Variants in CIT observed in about 807,000 individuals in gnomAD.
The protein encoded by CIT is citron Rho-interacting kinase.
A neutral mutation model predicts 272.7 loss-of-function variants in CIT; 79 were observed. The ratio of observed to expected loss-of-function variants is 0.29; its 90% confidence interval spans 0.24 to 0.35. CIT has a LOEUF of 0.35. Among genes scored for constraint, CIT ranks in the 10% least tolerant of loss-of-function variants. The pLI, the probability that CIT is intolerant of heterozygous loss-of-function variation, is 1.00. For synonymous variants in CIT, 948 were observed against 995.6 expected (o/e 0.95, Z 0.90); for missense variants, 1,909 against 2,618.3 (o/e 0.73, Z 5.91).
chr12:119,775,759 G>T, intron 16 of CIT, 27 bp downstream of exon 16: 1 of 1,596,498 alleles, frequency 6.3e-7, no homozygotes, highest in East Asian at 2.2e-5. Flanking sequence ...TGGGGGGTAA[G>T]TTCCTGAAAA....
intron 24 of CIT, among the ~76,000 whole-genome samples, chr12:119,741,431 T>C (rs1593549098): frequency 6.6e-6 from 1 of 152,246 alleles, no homozygotes; most frequent in Non-Finnish European, 1.5e-5. Flanking sequence ...CCCAGTTGTC[T>C]ATCTGTGTAA....
chr12:119,742,036 C>T (rs1475371967), intron 24 of CIT, among the ~76,000 whole-genome samples: 3 of 152,148 alleles, frequency 2.0e-5, no homozygotes, highest in Non-Finnish European at 4.4e-5. Flanking sequence ...TACAACTGCC[C>T]TGGTGACAGG....
intron 28 of CIT, among the ~76,000 whole-genome samples, chr12:119,723,367 C>A (rs757454860): frequency 2.7e-4 from 40 of 146,232 alleles, no homozygotes; most frequent in Admixed American, 8.3e-4. Context: ...ATTAGCTTTC[C>A]AAGAAATAGG....
In CIT at chr12:119,714,263, G is replaced by A; in HGVS notation, c.4240C>T (p.Arg1414Ter). The change falls in exon 33 of 48, where the codon CGA becomes TGA. Residue 1414 changes from arginine (R) to a stop codon, truncating the protein, a stop_gained. Coordinates refer to ENST00000392521, the MANE Select transcript of CIT (RefSeq NM_001206999.2). LOFTEE classifies it high-confidence loss of function. ...AGACACACAGCACACTTTGTGGCTC[G>A]CATGTTCAGTCCTACGTTGAATCGG... ...PHRFNVGLNM[R>*]ATKCAVCLDT... The A allele has an allele frequency of 1.9e-6, 3 of 1,611,044 alleles. No homozygotes were observed. Among genetic ancestry groups the A allele is most frequent in the Non-Finnish European group, 1.7e-6 (2 of 1,179,188 alleles).
At chr12:119,790,655 C>T (rs1258242496) in intron 10 of CIT, among the ~76,000 whole-genome samples, 1 of 152,088 alleles carries the variant, frequency 6.6e-6, no homozygotes, top group African/African-American at 2.4e-5. Flanking sequence ...TGAGAGATAC[C>T]TGCAGACCAG....
chr12:119,783,808 T>G (rs569758019), intron 12 of CIT, 100 bp downstream of exon 12: 1 of 1,399,764 alleles, frequency 7.1e-7, no homozygotes, highest in Non-Finnish European at 9.7e-7. Flanking sequence ...CTCTCTGCCA[T>G]TGGCTGTGAT....
chr12:119,850,383 A>AC, intron 4 of CIT, 108 bp from the exon 5 acceptor site: 1 of 623,562 alleles, frequency 1.6e-6, no homozygotes, highest in East Asian at 3.0e-5. Flanking sequence ...TTTAAAAAAA[A>AC]AAAAAGGCAA....
intron 3 of CIT, among the ~76,000 whole-genome samples, chr12:119,867,619 T>C (rs61945773): frequency 0.36 from 55,422 of 152,036 alleles, 12,413 homozygotes; most frequent in Middle Eastern, 0.51. Context: ...TGGGGGCTGC[T>C]TTGTGCACTG....
chr12:119,746,546 C>G (rs2137363385), intron 23 of CIT, among the ~76,000 whole-genome samples: 1 of 152,348 alleles, frequency 6.6e-6, no homozygotes, highest in Non-Finnish European at 1.5e-5. Flanking sequence ...GGCTTATCCA[C>G]AGGGACAGAA....
intron 10 of CIT, among the ~76,000 whole-genome samples, chr12:119,792,248 C>G (rs944825793): frequency 2.0e-5 from 3 of 152,080 alleles, no homozygotes; most frequent in Non-Finnish European, 4.4e-5. Context: ...ATCACAAATC[C>G]CAGATATTCT....
intron 26 of CIT, among the ~76,000 whole-genome samples, chr12:119,730,927 A>G (rs1958401712): frequency 6.6e-6 from 1 of 152,176 alleles, no homozygotes; most frequent in South Asian, 2.1e-4. Flanking sequence ...CAGGAGTTCA[A>G]GACCAGCCTG....
In CIT at chr12:119,710,945, A is replaced by C. The variant is rs1957130556; in HGVS notation, c.4855-325T>G. The C allele has an allele frequency of 2.1e-6, 2 of 940,464 alleles. No homozygotes were observed. The highest frequency in any genetic ancestry group is 2.0e-5 in the Admixed American group (1 of 49,068). 58.3% of individuals were successfully genotyped at this position (940,464 alleles called of 1,614,324 possible). A position where few individuals can be genotyped will look rare whatever the true frequency, so the allele number is the denominator to read the frequency against. On this transcript the variant is annotated intron_variant, in intron 37 of 47. Coordinates refer to ENST00000392521, the MANE Select transcript of CIT (RefSeq NM_001206999.2). The surrounding 1 kb of genome is among the most constrained non-coding windows in gnomAD (Gnocchi z 5.6). ...GAAGCTAAGGAGATTTCACCTGCGC[A>C]GGGTTAATAAGACACATGAAAGACT...
chr12:119,772,813 T>A lies in CIT; in HGVS notation c.2039A>T (p.Glu680Val). 6.2e-7 allele frequency: 1 copy of A among 1,614,032 alleles called. No individual in the cohort carries two copies. The highest frequency in any genetic ancestry group is 8.5e-7 in the Non-Finnish European group (1 of 1,179,990). The change falls in exon 17 of 48, where the codon GAG becomes GTG. Residue 680 changes from glutamate (E) to valine (V), a missense_variant. Glu to Val is a moderately radical substitution (Grantham distance 121). Around this residue, in one of 8 missense-constraint regions of CIT, gnomAD observed 530 missense variants for 822.4 expected, o/e 0.64. Transcript: ENST00000392521. ...ERELEKLQNR[E>V]DSSEGIRKKL... ...CTTTCTGATGCCTTCAGAAGAATCC[T>A]CTCGGTTCTGCAGCTTCTCCAGCTC... is the stretch of plus-strand genomic sequence containing the variant.
At chr12:119,858,697 C>T (rs1235661915) in intron 3 of CIT, among the ~76,000 whole-genome samples, 1 of 151,994 alleles carries the variant, frequency 6.6e-6, no homozygotes, top group Admixed American at 6.6e-5. Flanking sequence ...TGGTGAGCAC[C>T]TGTAGTCCCA....
intron 7 of CIT, among the ~76,000 whole-genome samples, chr12:119,825,643 G>A (rs1968101934): frequency 1.3e-5 from 2 of 152,070 alleles, no homozygotes; most frequent in South Asian, 4.1e-4. Context: ...AATGAGAGTT[G>A]GATATACCGG....
At chr12:119,800,083 A>T (rs1966062003) in intron 10 of CIT, among the ~76,000 whole-genome samples, 1 of 152,072 alleles carries the variant, frequency 6.6e-6, no homozygotes, top group Non-Finnish European at 1.5e-5. Flanking sequence ...AAGAGCTGAG[A>T]TCTATTTTAT....
At position 119,717,834 on chromosome 12, in the gene CIT, C is replaced by CTTTTT. The variant is rs546520444; in HGVS notation, c.4168+410_4168+411insAAAAA. On this transcript the variant is annotated intron_variant, in intron 32 of 47. Transcript: ENST00000392521. ...GGATGGGGAGCCAGGAGACTGACTT[C>CTTTTT]TTTCTTTTTTTTTTTTTTTTTTTTG... 2.1e-3 allele frequency among the ~76,000 whole-genome samples: 150 copies of CTTTTT among 70,192 alleles called. 6 individuals are homozygous for CTTTTT. The highest frequency in any genetic ancestry group is 8.1e-3 in the Middle Eastern group (1 of 124). The allele number at this position is 70,192 out of a possible 152,430, so 46.0% of individuals were successfully genotyped here. A position where few individuals can be genotyped will look rare whatever the true frequency, so the allele number is the denominator to read the frequency against.
At chr12:119,832,715 G>A in intron 7 of CIT, 56 bp downstream of exon 7, 2 of 1,416,668 alleles carry the variant, frequency 1.4e-6, no homozygotes, top group Non-Finnish European at 2.0e-6. Flanking sequence ...AACTTAGGAG[G>A]ACCAAGAATA....
intron 23 of CIT, among the ~76,000 whole-genome samples, chr12:119,748,081 T>A (rs1959706579): frequency 6.6e-6 from 1 of 151,998 alleles, no homozygotes; most frequent in Non-Finnish European, 1.5e-5. Context: ...GGAGTATCAC[T>A]CTTGAGCCTG....
Sources: allele counts gnomAD v4.1 joint callset (sites outside exome capture counted in the v4.1 genomes callset), GRCh38; gene constraint gnomAD v4.1.1; regional missense constraint gnomAD v4.1.1; non-coding constraint Gnocchi (gnomAD v3.1); transcripts MANE v1.5; gene names NCBI Gene and HGNC (gene_info 2026-07-23, HGNC 2026-07-21).